MTFR1: variants seen among roughly 807,000 people sequenced by gnomAD.
The protein encoded by MTFR1 is mitochondrial fission regulator 1, also known as chondrocyte protein with a poly-proline region.
MTFR1 carries 28 observed loss-of-function variants against 38.8 expected under a neutral mutation model. The observed-to-expected ratio is 0.72, with a 90% CI of 0.53 to 0.99. The LOEUF is 0.99. Ranked by LOEUF, MTFR1 falls within the 50% of genes least tolerant of loss-of-function variation. MTFR1 has a pLI of 0.00. For synonymous variants in MTFR1, 145 were observed against 137.0 expected (o/e 1.06, Z -0.41); for missense variants, 358 against 395.5 (o/e 0.91, Z 0.81).
intron 3 of MTFR1, among the ~76,000 whole-genome samples, chr8:65,723,965 G>C (rs1333261553): frequency 6.6e-6 from 1 of 152,066 alleles, no homozygotes; most frequent in Non-Finnish European, 1.5e-5. Context: ...CTCCACACAC[G>C]ACAAGGATAA....
chr8:65,682,313 C>A (rs1055830828), intron 2 of MTFR1, 40 bp from the exon 3 acceptor site: 2 of 1,051,228 alleles, frequency 1.9e-6, no homozygotes, highest in South Asian at 1.5e-5. Flanking sequence ...CAGTTCTGTA[C>A]ATCTTGTAAT....
chr8:65,734,909 G>C (rs1436125935), intron 3 of MTFR1: 3 of 1,513,632 alleles, frequency 2.0e-6, no homozygotes, highest in Non-Finnish European at 2.8e-6. Context: ...ATCAAAGAAA[G>C]AGATCCCGAT....
intron 3 of MTFR1, among the ~76,000 whole-genome samples, chr8:65,755,798 T>C (rs1808210695): frequency 6.6e-6 from 1 of 152,228 alleles, no homozygotes; most frequent in South Asian, 2.1e-4. Context: ...TTCTTTCTTA[T>C]TCTCTTTGAA....
At chr8:65,746,579 C>A (rs1317555264) in intron 3 of MTFR1, among the ~76,000 whole-genome samples, 1 of 152,050 alleles carries the variant, frequency 6.6e-6, no homozygotes, top group Non-Finnish European at 1.5e-5. Context: ...TAACCTGAAC[C>A]TTTTGTGGAC....
At chr8:65,680,852 C>A (rs1200730836) in intron 2 of MTFR1, among the ~76,000 whole-genome samples, 1 of 151,282 alleles carries the variant, frequency 6.6e-6, no homozygotes, top group African/African-American at 2.4e-5. Flanking sequence ...TGCAGTGGTG[C>A]CATCTTGGCT....
At position 65,664,005 on chromosome 8, in the gene MTFR1, G is replaced by A. The variant is rs181825786; in HGVS notation, c.-80-5868G>A. 7.7e-3 allele frequency among the ~76,000 whole-genome samples: 1,170 copies of A among 151,788 alleles called. 6 individuals carry two copies. The highest frequency in any genetic ancestry group is 0.025 in the African/African-American group (1,055 of 41,440). ...TAATTTTTGTATTTTTAGTAGAGAC[G>A]GGGTTTCGCCATGTTGGCCAGGCTG... On this transcript the variant is annotated intron_variant, in intron 1 of 7. Transcript: ENST00000262146.
chr8:65,707,676 G>A (rs1805824319), intron 6 of MTFR1, among the ~76,000 whole-genome samples, 167 bp from the exon 7 acceptor site: 1 of 152,188 alleles, frequency 6.6e-6, no homozygotes, highest in South Asian at 2.1e-4. Context: ...TGCTTTTGTT[G>A]AGCATTAGCT....
intron 3 of MTFR1, chr8:65,723,381 G>A: frequency 1.7e-6 from 1 of 587,742 alleles, no homozygotes; most frequent in Non-Finnish European, 2.5e-6. Context: ...ATGAGAATTA[G>A]AAGAGCCATA....
intron 1 of MTFR1, among the ~76,000 whole-genome samples, chr8:65,669,451 G>C (rs1015484097): frequency 5.9e-5 from 9 of 151,962 alleles, no homozygotes; most frequent in African/African-American, 2.2e-4. Flanking sequence ...TAAGAATACT[G>C]ACTGAAAAAA....
chr8:65,683,607 T>C (rs761198463), intron 3 of MTFR1, among the ~76,000 whole-genome samples: 2 of 152,266 alleles, frequency 1.3e-5, no homozygotes, highest in Non-Finnish European at 2.9e-5. Flanking sequence ...ATGTGGAAGA[T>C]GTATTTAACT....
chr8:65,663,936 T>C (rs1484431170), intron 1 of MTFR1, among the ~76,000 whole-genome samples: 1 of 149,908 alleles, frequency 6.7e-6, no homozygotes, highest in East Asian at 2.0e-4. Context: ...CAGACGATTC[T>C]CCTGGAATAG....
At chr8:65,722,740 A>C (rs1371841006) in intron 3 of MTFR1, 1 of 152,178 alleles carries the variant, frequency 6.6e-6, no homozygotes, top group Non-Finnish European at 1.5e-5. Flanking sequence ...CACTCAACAC[A>C]CAGTTCTCAA....
At chr8:65,734,831 A>G (rs775065280) in intron 3 of MTFR1, 1 of 1,611,240 alleles carries the variant, frequency 6.2e-7, no homozygotes, top group Non-Finnish European at 8.5e-7. Flanking sequence ...GGCCTGAGTA[A>G]CATCCGCAGC....
intron 3 of MTFR1, among the ~76,000 whole-genome samples, chr8:65,725,142 C>G (rs1806560126): frequency 6.6e-6 from 1 of 151,750 alleles, no homozygotes; most frequent in Non-Finnish European, 1.5e-5. Flanking sequence ...AGGAAAATAC[C>G]AATATGCAAA....
At chr8:65,733,078 G>A (rs929161863) in intron 3 of MTFR1, among the ~76,000 whole-genome samples, 1 of 152,144 alleles carries the variant, frequency 6.6e-6, no homozygotes, top group Non-Finnish European at 1.5e-5. Flanking sequence ...GTAGGGCTTT[G>A]TGATTTTATC....
intron 4 of MTFR1, among the ~76,000 whole-genome samples, chr8:65,700,133 T>C (rs1427198859): frequency 1.3e-5 from 2 of 151,904 alleles, no homozygotes; most frequent in Non-Finnish European, 2.9e-5. Context: ...GGTGGGTTGC[T>C]TGACCCCAGG....
chr8:65,762,754 A>G (rs957454582), intron 3 of MTFR1, among the ~76,000 whole-genome samples: 7 of 152,210 alleles, frequency 4.6e-5, no homozygotes, highest in Non-Finnish European at 8.8e-5. Context: ...TCATGACAGT[A>G]TAACTTCATC....
intron 2 of MTFR1, among the ~76,000 whole-genome samples, chr8:65,670,869 T>C (rs889469803): frequency 6.6e-6 from 1 of 152,106 alleles, no homozygotes; most frequent in Non-Finnish European, 1.5e-5. Flanking sequence ...CACGGCCAGC[T>C]AATTTTTGTA....
At chr8:65,667,070 G>A (rs544830955) in intron 1 of MTFR1, among the ~76,000 whole-genome samples, 5 of 152,258 alleles carry the variant, frequency 3.3e-5, no homozygotes, top group African/African-American at 1.2e-4. Flanking sequence ...GTGAGGTCAG[G>A]AGATTAAAAC....
Sources: gnomAD v4.1 joint callset for allele counts (sites outside exome capture counted in the v4.1 genomes callset) on GRCh38, gnomAD v4.1.1 for gene constraint, MANE v1.5 for transcripts, NCBI Gene and HGNC (gene_info 2026-07-23, HGNC 2026-07-21) for gene names.